The following RSPH10B variants were observed in gnomAD, a reference collection of about 807,000 sequenced individuals.
RSPH10B encodes radial spoke head 10 homolog B (Chlamydomonas).
Under a neutral mutation model 52.5 loss-of-function variants are expected in RSPH10B, and 7 were observed. That is an observed-to-expected ratio of 0.13 (90% CI 0.08 to 0.25). The LOEUF (loss-of-function observed/expected upper bound fraction) is 0.25. Ranked by LOEUF, RSPH10B falls within the 10% of genes least tolerant of loss-of-function variation. RSPH10B has a pLI of 1.00. For missense variants in RSPH10B, 89 were observed against 542.5 expected, an observed-to-expected ratio of 0.16 and a Z score of 8.30; for synonymous variants, 28 against 193.2, an observed-to-expected ratio of 0.14 and a Z score of 7.09.
intron 13 of RSPH10B, among the ~76,000 whole-genome samples, chr7:5,941,968 T>C (rs1780216197): frequency 1.3e-5 from 2 of 149,442 alleles, no homozygotes; most frequent in South Asian, 2.1e-4. Context: ...TTCCAGCTCA[T>C]TGCAACCTCG....
intron 13 of RSPH10B, among the ~76,000 whole-genome samples, chr7:5,942,755 T>C (rs1367125320): frequency 6.6e-6 from 1 of 150,690 alleles, no homozygotes; most frequent in African/African-American, 2.5e-5. Flanking sequence ...CCAGCTACTC[T>C]GGAGGCTGAG....
intron 4 of RSPH10B, 116 bp from the exon 7 acceptor site, chr7:5,959,194 A>AG: frequency 1.9e-6 from 1 of 514,972 alleles, no homozygotes; most frequent in South Asian, 1.9e-5. Context: ...TGTCATACAT[A>AG]GGCAAGACAT....
upstream of RSPH10B, among the ~76,000 whole-genome samples, chr7:5,968,599 C>T (rs1221443312): frequency 2.2e-4 from 15 of 69,016 alleles, 1 homozygote; most frequent in Non-Finnish European, 3.2e-4. Flanking sequence ...CTCCACCTCC[C>T]GGGTTCATGC....
intron 18 of RSPH10B, among the ~76,000 whole-genome samples, chr7:5,927,074 G>A (rs201314046): frequency 0.036 from 2,586 of 71,102 alleles, 23 homozygotes; most frequent in East Asian, 0.2. Context: ...GTGTATATGT[G>A]TGTGTGTGTG....
chr7:5,944,480 C>T (rs2528299), intron 11 of RSPH10B, among the ~76,000 whole-genome samples: 6 of 148,232 alleles, frequency 4.0e-5, no homozygotes, highest in South Asian at 2.1e-4. Flanking sequence ...GAAATTCTGA[C>T]ATAAGAAAGA....
rs1442954990 is a variant in RSPH10B, at chr7:5,966,252, G to A, written c.255-540C>T. ...GGCCAGGAGTTACTATTTAATAGAC[G>A]GTCGTACAACACTATGAACGTACTT... On this transcript the variant is annotated intron_variant, in intron 1 of 18. Coordinates refer to ENST00000337579, the Ensembl canonical transcript of RSPH10B. 3.2e-3 allele frequency among the ~76,000 whole-genome samples: 243 copies of A among 75,912 alleles called. 5 individuals carry two copies. The highest frequency in any genetic ancestry group is 0.01 in the African/African-American group (198 of 19,710). The allele number at this position is 75,912 out of a possible 152,430, so 49.8% of individuals were successfully genotyped here.
rs763759565 is a variant in RSPH10B, at chr7:5,937,837, AT to A, written c.1930del (p.Met644Ter). 1 of 691,664 alleles carries A rather than the reference AT, an allele frequency of 1.4e-6. No individual in the cohort carries two copies. The highest frequency in any genetic ancestry group is 2.6e-6 in the Non-Finnish European group (1 of 385,138). The allele number at this position is 691,664 out of a possible 1,614,324, so 42.8% of individuals were successfully genotyped here. On this transcript the variant is annotated frameshift_variant, in exon 15 of 19. Coordinates refer to ENST00000337579, the Ensembl canonical transcript of RSPH10B. LOFTEE classifies it high-confidence loss of function. ...TGGAACATTTGTATAGGATTTAGTC[AT>A]TTGGTCAGTAACACAGATGAATGCA...
chr7:5,928,230 G>T (rs149949816), exon 18 of RSPH10B: 194 of 1,613,112 alleles, frequency 1.2e-4, no homozygotes, highest in Non-Finnish European at 1.6e-4. Context: ...ATCTTCCGCT[G>T]CTGGGCCTGT....
At position 5,928,634 on chromosome 7, in the gene RSPH10B, G is replaced by GTT. The variant is rs869172826; in HGVS notation, c.2234-242_2234-241dup. On this transcript the variant is annotated intron_variant, in intron 17 of 18. Coordinates refer to ENST00000337579, the Ensembl canonical transcript of RSPH10B. ...CCTGCTACCTCGTTTTTTCTTTTTT[G>GTT]TTTTTTTTTTTTTTGGAGACAGAAT... Among the ~76,000 whole-genome samples, 75 of 120,502 alleles carry GTT rather than the reference G, an allele frequency of 6.2e-4. 1 individual carries two copies. The highest frequency in any genetic ancestry group is 1.6e-3 in the South Asian group (6 of 3,766). 79.1% of individuals were successfully genotyped at this position (120,502 alleles called of 152,430 possible).
At chr7:5,970,729 A>G (rs2128647054), upstream of RSPH10B, 1 of 117,572 alleles carries the variant, frequency 8.5e-6, no homozygotes, top group Middle Eastern at 5.6e-3. Flanking sequence ...CGCCAGGCCC[A>G]CCCTGTGCTC....
chr7:5,938,432 G>T (rs1194171962), intron 14 of RSPH10B, among the ~76,000 whole-genome samples: 3 of 112,726 alleles, frequency 2.7e-5, no homozygotes, highest in African/African-American at 9.3e-5. Flanking sequence ...AAAAAAATTA[G>T]CCGGGCGTGG....
At chr7:5,941,676 G>A (rs1381898862) in intron 13 of RSPH10B, among the ~76,000 whole-genome samples, 7 of 140,686 alleles carry the variant, frequency 5.0e-5, no homozygotes, top group South Asian at 2.2e-4. Flanking sequence ...CCCGGGAGGC[G>A]GAGGTTGCAG....
chr7:5,954,302 CT>C (rs1462432330), intron 7 of RSPH10B, among the ~76,000 whole-genome samples: 5 of 41,868 alleles, frequency 1.2e-4, no homozygotes, highest in Non-Finnish European at 1.6e-4. Flanking sequence ...CCACACCCAG[CT>C]AATTTTTGTA....
At chr7:5,928,683 G>A (rs2128620727) in intron 17 of RSPH10B, among the ~76,000 whole-genome samples, 1 of 147,696 alleles carries the variant, frequency 6.8e-6, no homozygotes, top group South Asian at 2.1e-4. Context: ...CCAGGCTGGA[G>A]TGCAGTGGCG....
intron 17 of RSPH10B, among the ~76,000 whole-genome samples, chr7:5,931,863 C>T (rs1779792665): frequency 1.3e-5 from 2 of 151,042 alleles, no homozygotes; most frequent in Admixed American, 6.7e-5. Context: ...GTGATGGGTG[C>T]CTGTAATCCC....
At chr7:5,932,293 GTGT>G (rs1291343710) in intron 17 of RSPH10B, among the ~76,000 whole-genome samples, 1 of 111,188 alleles carries the variant, frequency 9.0e-6, no homozygotes, top group African/African-American at 3.5e-5. Context: ...TAAGGGTTGT[GTGT>G]TGTTTTTAAT....
chr7:5,927,172 C>T (rs1401094821), intron 18 of RSPH10B, among the ~76,000 whole-genome samples: 5 of 139,958 alleles, frequency 3.6e-5, no homozygotes, highest in Admixed American at 7.3e-5. Flanking sequence ...TCACTGCAGC[C>T]TCAACCTCCC....
chr7:5,944,354 C>T (rs534409302), intron 11 of RSPH10B, among the ~76,000 whole-genome samples: 130 of 150,232 alleles, frequency 8.7e-4, no homozygotes, highest in African/African-American at 2.9e-3. Context: ...GCCGAGATCG[C>T]GCCACTGCAC....
chr7:5,927,048 T>TGTGTGTGTGTGTGTGTGTG (rs1347951159), intron 18 of RSPH10B, among the ~76,000 whole-genome samples: 1 of 70,824 alleles, frequency 1.4e-5, no homozygotes, highest in African/African-American at 4.3e-5. Context: ...TGTGTGTGTA[T>TGTGTGTGTGTGTGTGTGTG]TATGTGTGTG....
Sources: gnomAD v4.1 joint callset for allele counts (sites outside exome capture counted in the v4.1 genomes callset) on GRCh38, gnomAD v4.1.1 for gene constraint, MANE v1.5 for transcripts, NCBI Gene and HGNC (gene_info 2026-07-23, HGNC 2026-07-21) for gene names.